CST3: variants seen among roughly 807,000 people sequenced by gnomAD.
CST3 encodes the protein cystatin-C.
CST3 carries 14 observed loss-of-function variants against 9.0 expected under a neutral mutation model. The ratio of observed to expected loss-of-function variants is 1.56; its 90% confidence interval spans 1.03 to 2.44. The LOEUF is 2.44. Ranked by LOEUF, CST3 falls within the 30% of genes most tolerant of loss-of-function variation. The pLI is 0.00. For missense variants in CST3, 237 were observed against 204.3 expected (o/e 1.16, Z -0.98); for synonymous variants, 96 against 90.2 (o/e 1.06, Z -0.37).
At chr20:23,635,450 C>A in intron 1 of CST3, 83 bp from the exon 2 acceptor site, 1 of 1,265,282 alleles carries the variant, frequency 7.9e-7, no homozygotes, top group South Asian at 1.3e-5. Context: ...GTGACCGGGT[C>A]ACTGGGCTTG....
downstream of CST3, among the ~76,000 whole-genome samples, chr20:23,630,033 A>G (rs1263469121): frequency 1.3e-5 from 2 of 152,232 alleles, no homozygotes; most frequent in African/African-American, 4.8e-5. Context: ...AGATGTGACC[A>G]TGAGACTATC....
downstream of CST3, chr20:23,633,639 G>A: frequency 1.7e-6 from 1 of 583,350 alleles, no homozygotes; most frequent in Non-Finnish European, 3.1e-6. Flanking sequence ...TCCCCAGACA[G>A]CCAAGAACTC....
At chr20:23,632,793 A>G (rs575819091), downstream of CST3, among the ~76,000 whole-genome samples, 18 of 152,318 alleles carry the variant, frequency 1.2e-4, 1 homozygote, top group East Asian at 7.7e-4. Flanking sequence ...AGGACTGTGC[A>G]GGGTGGGCTG....
At chr20:23,637,284 C>A (rs1203999516) in intron 1 of CST3, among the ~76,000 whole-genome samples, 1 of 152,254 alleles carries the variant, frequency 6.6e-6, no homozygotes, top group Non-Finnish European at 1.5e-5. Flanking sequence ...TTCAGCAGCG[C>A]ACCCGGAGCC....
At position 23,637,930 on chromosome 20, in the gene CST3, C is replaced by T; in HGVS notation, c.-68G>A. Reference sequence around the variant, plus strand: ...GAGGCTGGAGCTAGATAGAGAGGACCCGCTGCGATACCGAGGCGAGGCCGT... The same window carrying T: ...GAGGCTGGAGCTAGATAGAGAGGACTCGCTGCGATACCGAGGCGAGGCCGT... On this transcript the variant is annotated 5_prime_UTR_variant, in exon 1 of 3. Transcript: ENST00000376925. 7.5e-7 allele frequency: 1 copy of T among 1,341,816 alleles called. No individual in the cohort carries two copies. Among genetic ancestry groups the T allele is most frequent in the South Asian group, 1.9e-5 (1 of 51,766 alleles). 83.1% of individuals were successfully genotyped at this position (1,341,816 alleles called of 1,614,324 possible).
At position 23,634,687 on chromosome 20, in the gene CST3, C is replaced by T. The variant is rs139677671; in HGVS notation, c.357+567G>A. On this transcript the variant is annotated intron_variant, in intron 2 of 2. Transcript: ENST00000376925. ...GCTTCCTGCAGTCCAGTAGGCAACA[C>T]TCCAAAGCACATAGGGTGGAGCTCC... 1.6e-4 allele frequency among the ~76,000 whole-genome samples: 25 copies of T among 152,200 alleles called. No individual in the cohort carries two copies. In the East Asian group the frequency reaches 4.6e-3, roughly 28 times the overall value.
downstream of CST3, among the ~76,000 whole-genome samples, chr20:23,631,275 A>T (rs1979443441): frequency 6.6e-6 from 1 of 152,148 alleles, no homozygotes; most frequent in Admixed American, 6.5e-5. Flanking sequence ...TGTCAGCTGG[A>T]GCGGCTCTGG....
At chr20:23,627,794 G>A (rs535833777) in exon 4 of CST3, 34 of 152,126 alleles carry the variant, frequency 2.2e-4, no homozygotes, top group Middle Eastern at 3.4e-3. Context: ...GTTTTTATGC[G>A]TTTATTGGCT....
At chr20:23,629,905 A>G (rs573116959), downstream of CST3, among the ~76,000 whole-genome samples, 101 of 152,314 alleles carry the variant, frequency 6.6e-4, 1 homozygote, top group African/African-American at 2.4e-3. Flanking sequence ...TCATTGCCCC[A>G]AACAAAGCTT....
chr20:23,636,185 G>A (rs1222218218), intron 1 of CST3, among the ~76,000 whole-genome samples: 1 of 152,194 alleles, frequency 6.6e-6, no homozygotes, highest in Admixed American at 6.5e-5. Context: ...CCCTACACCA[G>A]GGAATGGCCC....
At position 23,636,789 on chromosome 20, in the gene CST3, C is replaced by A. The variant is rs1369507613; in HGVS notation, c.243+831G>T. Among the ~76,000 whole-genome samples, 3 of 152,200 alleles carry A rather than the reference C, an allele frequency of 2.0e-5. No individual in the cohort carries two copies. In the East Asian group the frequency reaches 5.8e-4, roughly 29 times the overall value. On this transcript the variant is annotated intron_variant, in intron 1 of 2. Coordinates refer to ENST00000376925, the MANE Select transcript of CST3 (RefSeq NM_000099.4). ...TGCAGGTTAAAAGAGGCCGAGGGGA[C>A]AGGACAGGGCTGAACTCATGCACTC... is the stretch of plus-strand genomic sequence containing the variant.
chr20:23,632,726 C>T (rs1233177415), downstream of CST3, among the ~76,000 whole-genome samples: 1 of 152,200 alleles, frequency 6.6e-6, no homozygotes, highest in Non-Finnish European at 1.5e-5. Flanking sequence ...CCTGGGAGGC[C>T]TGCCCCAGCA....
rs539861839 is a variant in CST3 at position 23,637,797 on chromosome 20, G to A, written c.66C>T (p.Ser22=). 3 of 1,521,984 alleles carry A rather than the reference G, an allele frequency of 2.0e-6. No individual in the cohort carries two copies. Among genetic ancestry groups the A allele is most frequent in the South Asian group, 2.5e-5 (2 of 81,226 alleles). 94.3% of individuals were successfully genotyped at this position (1,521,984 alleles called of 1,614,324 possible). A position where few individuals can be genotyped will look rare whatever the true frequency, so the allele number is the denominator to read the frequency against. The stretch of plus-strand genomic sequence containing the variant: ...TGCCGGGACTGGAGCCGGCCGCGGG[G>A]CTCACGGCCAGGGCCACGGCCAGGA... ...LAILAVALAV[S]PAAGSSPGKP... The change falls in exon 1 of 3, where the codon AGC becomes AGT. Residue 22 remains serine, a synonymous_variant. Transcript: ENST00000376925.
rs772925286 is a variant in CST3 at position 23,637,623 on chromosome 20, C to T, written c.240G>A (p.Lys80=). 8 of 1,519,156 alleles carry T rather than the reference C, an allele frequency of 5.3e-6. No homozygotes were observed. The South Asian group carries it at 9.9e-5, about 19-fold the overall frequency. 94.1% of individuals were successfully genotyped at this position (1,519,156 alleles called of 1,614,324 possible). A position where few individuals can be genotyped will look rare whatever the true frequency, so the allele number is the denominator to read the frequency against. The change falls in exon 1 of 3, where the codon AAG becomes AAA. Residue 80 remains lysine, a synonymous_variant. Coordinates refer to ENST00000376925, the MANE Select transcript of CST3 (RefSeq NM_000099.4). The stretch of plus-strand genomic sequence containing the variant: ...CCCTGCGGGGGGCGGCACGCACCTG[C>T]TTGCGGGCGCGCACCACCTGCAGCG... ...SRALQVVRAR[K]QIVAGVNYFL...
chr20:23,629,047 A>G (rs984148694), downstream of CST3: 3 of 152,208 alleles, frequency 2.0e-5, no homozygotes, highest in Non-Finnish European at 2.9e-5. Flanking sequence ...CGTTAAGCCT[A>G]TGTGGGTCCT....
chr20:23,634,593 G>A (rs1979588422), intron 2 of CST3, among the ~76,000 whole-genome samples: 1 of 152,060 alleles, frequency 6.6e-6, no homozygotes. Context: ...GGCCGTGGCT[G>A]TGGGCAGGTG....
downstream of CST3, among the ~76,000 whole-genome samples, chr20:23,631,618 G>A (rs967761745): frequency 5.3e-5 from 8 of 152,164 alleles, no homozygotes; most frequent in African/African-American, 1.7e-4. Context: ...GCTTGCCATC[G>A]AGGAACACCC....
rs1979629273 is a variant in CST3, at chr20:23,635,341, CAAG to C, written c.267_269del (p.Phe89del). On this transcript the variant is annotated inframe_deletion, in exon 2 of 3. Transcript: ENST00000376925. ...ACGTGGTTCGGCCCAGCTCCACGTC[CAAG>C]AAGTAGTTCACCCCAGCTACGATCT... 2 of 1,563,774 alleles carry C rather than the reference CAAG, an allele frequency of 1.3e-6. No homozygotes were observed. The highest frequency in any genetic ancestry group is 1.6e-5 in the African/African-American group (1 of 63,744).
intron 1 of CST3, among the ~76,000 whole-genome samples, chr20:23,636,526 C>T (rs953028390): frequency 2.0e-5 from 3 of 152,024 alleles, no homozygotes; most frequent in Admixed American, 6.5e-5. Context: ...GGGTGAAGGC[C>T]GCTAGTCCTA....
Sources: gnomAD v4.1 joint callset for allele counts (sites outside exome capture counted in the v4.1 genomes callset) on GRCh38, gnomAD v4.1.1 for gene constraint, MANE v1.5 for transcripts, NCBI Gene and HGNC (gene_info 2026-07-23, HGNC 2026-07-21) for gene names.